Variants in FBXL13 observed in about 807,000 individuals in gnomAD.
FBXL13 encodes the protein F-box and leucine rich repeat protein 13, also known as F-box and leucine-rich repeat protein 13.
Under a neutral mutation model 83.6 loss-of-function variants are expected in FBXL13, and 67 were observed. That is an observed-to-expected ratio of 0.80 (90% CI 0.66 to 0.98). The LOEUF (loss-of-function observed/expected upper bound fraction) is 0.98. Among genes scored for constraint, FBXL13 ranks in the 50% least tolerant of loss-of-function variants. The pLI is 0.00. For missense variants in FBXL13, 822 were observed against 866.5 expected (o/e 0.95, Z 0.64); for synonymous variants, 272 against 299.5 (o/e 0.91, Z 0.95).
chr7:102,893,940 GAGAA>G lies in FBXL13; in HGVS notation c.1009-9632_1009-9629del, dbSNP rs757315918. Among the ~76,000 whole-genome samples, 148 of 124,378 alleles carry G rather than the reference GAGAA, an allele frequency of 1.2e-3. 2 individuals carry two copies. Among genetic ancestry groups the G allele is most frequent in the South Asian group, 0.012 (42 of 3,646 alleles). The allele number at this position is 124,378 out of a possible 152,430, so 81.6% of individuals were successfully genotyped here. A position where few individuals can be genotyped will look rare whatever the true frequency, so the allele number is the denominator to read the frequency against. ...AGAAAGAGAGAGAGAGACAGAGAAA[GAGAA>G]AGAAAGAAAGAAAGAAAGAGAGAAA... On this transcript the variant is annotated intron_variant, in intron 11 of 19. Coordinates refer to ENST00000313221, the Ensembl canonical transcript of FBXL13.
chr7:102,850,182 C>A (rs1804959548), intron 17 of FBXL13, among the ~76,000 whole-genome samples: 1 of 152,064 alleles, frequency 6.6e-6, no homozygotes, highest in Non-Finnish European at 1.5e-5. Context: ...CTTTCATCTA[C>A]AATCTCAGAG....
At chr7:102,945,085 C>T (rs1049382547) in intron 8 of FBXL13, 1 of 152,584 alleles carries the variant, frequency 6.6e-6, no homozygotes, top group Admixed American at 6.5e-5. Flanking sequence ...AATAAATTTC[C>T]ATTTCTGATT....
At chr7:102,941,314 G>A (rs111870147) in intron 8 of FBXL13, among the ~76,000 whole-genome samples, 1 of 152,140 alleles carries the variant, frequency 6.6e-6, no homozygotes, top group Non-Finnish European at 1.5e-5. Flanking sequence ...CCAGGGTACA[G>A]GGTAAAGAAT....
chr7:102,892,344 ACTTT>A (rs1427448751), intron 11 of FBXL13, among the ~76,000 whole-genome samples: 2 of 152,184 alleles, frequency 1.3e-5, no homozygotes, highest in Non-Finnish European at 2.9e-5. Flanking sequence ...GGTGTTTGTT[ACTTT>A]CTTTAATTTT....
chr7:102,939,520 T>C (rs1362108481), intron 8 of FBXL13: 4 of 1,613,964 alleles, frequency 2.5e-6, no homozygotes, highest in Non-Finnish European at 3.4e-6. Flanking sequence ...CCCAAGGAAT[T>C]TGAAGATGTT....
chr7:102,855,841 T>C (rs527666314), intron 16 of FBXL13, among the ~76,000 whole-genome samples: 7 of 152,168 alleles, frequency 4.6e-5, no homozygotes, highest in African/African-American at 7.2e-5. Context: ...GTTTTTTTTG[T>C]TTGTTTGTTT....
intron 6 of FBXL13, among the ~76,000 whole-genome samples, chr7:102,993,964 TA>T (rs1325768982): frequency 6.6e-6 from 1 of 152,266 alleles, no homozygotes; most frequent in Non-Finnish European, 1.5e-5. Context: ...CTAACCATTT[TA>T]AATAAGGTTC....
chr7:102,862,601 A>AT (rs1807032132), intron 16 of FBXL13, among the ~76,000 whole-genome samples: 1 of 152,208 alleles, frequency 6.6e-6, no homozygotes, highest in Admixed American at 6.5e-5. Flanking sequence ...ATCAGCACAA[A>AT]TGTGCTAATA....
At position 102,987,154 on chromosome 7, in the gene FBXL13, G is replaced by C. The variant is rs185432846; in HGVS notation, c.496-19037C>G. Among the ~76,000 whole-genome samples, 101 of 152,214 alleles carry C rather than the reference G, an allele frequency of 6.6e-4. 1 individual carries two copies. Among genetic ancestry groups the C allele is most frequent in the Non-Finnish European group, 1.1e-3 (77 of 68,010 alleles). On this transcript the variant is annotated intron_variant, in intron 6 of 19. Coordinates refer to ENST00000313221, the Ensembl canonical transcript of FBXL13. ...ATAATAGACACTGGAGACTCTGAAAGGGAGAGGGCGAGAGAGGAGTGAGGA... is the reference window on the plus strand; with the variant it reads ...ATAATAGACACTGGAGACTCTGAAACGGAGAGGGCGAGAGAGGAGTGAGGA...
At chr7:103,047,477 T>G (rs999239948) in intron 2 of FBXL13, among the ~76,000 whole-genome samples, 6 of 152,330 alleles carry the variant, frequency 3.9e-5, no homozygotes, top group African/African-American at 1.4e-4. Context: ...GGAATTCAAA[T>G]TGTATATCTA....
intron 16 of FBXL13, among the ~76,000 whole-genome samples, chr7:102,875,029 G>A (rs1353287725): frequency 6.6e-6 from 1 of 152,168 alleles, no homozygotes; most frequent in African/African-American, 2.4e-5. Context: ...CAGCCTTGTG[G>A]TAAGTGCTGT....
At chr7:102,940,225 T>G (rs1043020777) in intron 8 of FBXL13, among the ~76,000 whole-genome samples, 2 of 148,294 alleles carry the variant, frequency 1.3e-5, no homozygotes, top group African/African-American at 2.5e-5. Flanking sequence ...TTGTTTTTTT[T>G]TTTGAGATGG....
chr7:102,980,138 G>A lies in FBXL13; in HGVS notation c.496-12021C>T, dbSNP rs144974270. ...TCTGACCCTCAAATTTGCAGTAAGT[G>A]CAAGGAGTCACAAGTAGCCAAAACA... On this transcript the variant is annotated intron_variant, in intron 6 of 19. Transcript: ENST00000313221. Among the ~76,000 whole-genome samples the A allele has an allele frequency of 3.7e-3, 565 of 152,296 alleles. 4 individuals are homozygous for A. Among genetic ancestry groups the A allele is most frequent in the African/African-American group, 0.013 (558 of 41,562 alleles).
At chr7:102,860,440 T>G (rs1806639447) in intron 16 of FBXL13, among the ~76,000 whole-genome samples, 1 of 152,096 alleles carries the variant, frequency 6.6e-6, no homozygotes. Flanking sequence ...GCCGAAGAAA[T>G]AGCATGGACA....
intron 16 of FBXL13, among the ~76,000 whole-genome samples, chr7:102,873,153 C>T (rs1808752193): frequency 6.6e-6 from 1 of 152,210 alleles, no homozygotes; most frequent in Non-Finnish European, 1.5e-5. Flanking sequence ...AACACAGTGT[C>T]CCTTTAGCCT....
intron 8 of FBXL13, chr7:102,934,082 T>C (rs781381258): frequency 6.2e-6 from 10 of 1,614,098 alleles, no homozygotes; most frequent in Non-Finnish European, 8.5e-6. Flanking sequence ...GTGTGACGTG[T>C]ACACATATCT....
chr7:102,871,091 C>A (rs1285316576), intron 16 of FBXL13, among the ~76,000 whole-genome samples: 1 of 152,066 alleles, frequency 6.6e-6, no homozygotes, highest in East Asian at 1.9e-4. Context: ...CTTCTTTCCA[C>A]TCCTTAAACA....
Position 103,038,586 on chromosome 7 carries a change from C to T in FBXL13, c.1-9168G>A, listed in dbSNP as rs1262910988. Among the ~76,000 whole-genome samples, 15 of 152,298 alleles carry T rather than the reference C, an allele frequency of 9.8e-5. No individual in the cohort carries two copies. In the South Asian group the frequency reaches 1.0e-3, roughly 11 times the overall value. ...GGGGCTGATAGACACCTCAAACAGGCGGGTGCCCCTCTGGGACGAAGCTTC... is the reference window on the plus strand; with the variant it reads ...GGGGCTGATAGACACCTCAAACAGGTGGGTGCCCCTCTGGGACGAAGCTTC... On this transcript the variant is annotated intron_variant, in intron 2 of 19. Transcript: ENST00000313221.
At chr7:102,879,086 C>T (rs1415150413) in intron 14 of FBXL13, among the ~76,000 whole-genome samples, 5 of 152,132 alleles carry the variant, frequency 3.3e-5, no homozygotes, top group Non-Finnish European at 7.3e-5. Context: ...CCCTGTCTTC[C>T]ATTGGGATCT....
Sources: gnomAD v4.1 joint callset for allele counts (sites outside exome capture counted in the v4.1 genomes callset) on GRCh38, gnomAD v4.1.1 for gene constraint, MANE v1.5 for transcripts, NCBI Gene and HGNC (gene_info 2026-07-23, HGNC 2026-07-21) for gene names.